Variants in CEP83 observed in about 807,000 individuals in gnomAD.
CEP83 encodes the protein centrosomal protein of 83 kDa.
A neutral mutation model predicts 101.9 loss-of-function variants in CEP83; 70 were observed. The observed-to-expected ratio is 0.69, with a 90% CI of 0.57 to 0.84. The LOEUF is 0.84. Among genes scored for constraint, CEP83 ranks in the 40% least tolerant of loss-of-function variants. CEP83 has a pLI of 0.00. For missense variants in CEP83, 715 were observed against 787.2 expected (o/e 0.91, Z 1.10); for synonymous variants, 264 against 267.9 (o/e 0.99, Z 0.14).
intron 1 of CEP83, among the ~76,000 whole-genome samples, chr12:94,454,077 C>G (rs2067455598): frequency 6.8e-6 from 1 of 146,226 alleles, no homozygotes; most frequent in African/African-American, 2.5e-5. Context: ...AGCCTGCTGA[C>G]AGAGTAAGAC....
chr12:94,450,982 A>G (rs936129763), intron 1 of CEP83, among the ~76,000 whole-genome samples: 1 of 152,230 alleles, frequency 6.6e-6, no homozygotes, highest in African/African-American at 2.4e-5. Context: ...TGTTGGAGTA[A>G]GGATAGGTTT....
At chr12:94,438,656 G>A (rs548832243) in intron 1 of CEP83, among the ~76,000 whole-genome samples, 1 of 152,184 alleles carries the variant, frequency 6.6e-6, no homozygotes, top group East Asian at 1.9e-4. Context: ...AGTCAACAAG[G>A]AAACAACAGA....
At chr12:94,438,101 C>T (rs986478762) in intron 1 of CEP83, among the ~76,000 whole-genome samples, 1 of 152,010 alleles carries the variant, frequency 6.6e-6, no homozygotes, top group South Asian at 2.1e-4. Flanking sequence ...TGCCTGTAAA[C>T]CCAGCTACTC....
intron 11 of CEP83, among the ~76,000 whole-genome samples, chr12:94,363,024 C>T (rs2060848266): frequency 6.6e-6 from 1 of 152,126 alleles, no homozygotes; most frequent in Non-Finnish European, 1.5e-5. Flanking sequence ...TTACTAGAGG[C>T]TGGAAGGGTA....
At chr12:94,303,112 TATTTA>T (rs1461001993), downstream of CEP83, among the ~76,000 whole-genome samples, 1 of 152,208 alleles carries the variant, frequency 6.6e-6, no homozygotes, top group African/African-American at 2.4e-5. Flanking sequence ...AATAAAATCA[TATTTA>T]ATTTTTAAAT....
Position 94,424,183 on chromosome 12 carries a change from G to A in CEP83, c.-102+11092C>T, listed in dbSNP as rs1315918171. On this transcript the variant is annotated intron_variant, in intron 2 of 16. Coordinates refer to ENST00000397809, the MANE Select transcript of CEP83 (RefSeq NM_016122.3). ...TGGGGGTGATGTTATAAGGGGCTGG[G>A]TAAAACCCATTCTGAAGAGCTGTGG... is the stretch of plus-strand genomic sequence containing the variant. 1.1e-5 allele frequency: 17 copies of A among 1,607,058 alleles called. No individual in the cohort carries two copies. The East Asian group carries it at 3.3e-4, about 32-fold the overall frequency.
At chr12:94,370,535 C>T (rs187281627) in intron 8 of CEP83, among the ~76,000 whole-genome samples, 1 of 152,248 alleles carries the variant, frequency 6.6e-6, no homozygotes, top group East Asian at 1.9e-4. Flanking sequence ...CACCACCACA[C>T]TCAGATAATT....
chr12:94,331,967 C>T, intron 13 of CEP83, 138 bp from the exon 14 acceptor site: 1 of 689,042 alleles, frequency 1.5e-6, no homozygotes, highest in Non-Finnish European at 2.4e-6. Context: ...CCTGTATGGC[C>T]ACTTGTTTGG....
At chr12:94,277,824 G>T in the CEP83 span, 1 of 406,890 alleles carries the variant, frequency 2.5e-6, no homozygotes, top group Non-Finnish European at 5.0e-6. Context: ...CCCGTGCTAA[G>T]CCCTTGAATG....
At chr12:94,349,323 C>T (rs1471966506) in intron 11 of CEP83, among the ~76,000 whole-genome samples, 2 of 151,486 alleles carry the variant, frequency 1.3e-5, no homozygotes, top group African/African-American at 4.8e-5. Flanking sequence ...TTGTAGAATC[C>T]CGAAGCATGG....
chr12:94,397,005 A>G, intron 6 of CEP83, among the ~76,000 whole-genome samples: 1 of 152,196 alleles, frequency 6.6e-6, no homozygotes. Flanking sequence ...CTGTTTTTGT[A>G]TATAGAAAAT....
intron 1 of CEP83, among the ~76,000 whole-genome samples, chr12:94,459,091 C>T (rs1400682465): frequency 1.3e-5 from 2 of 152,206 alleles, no homozygotes; most frequent in East Asian, 3.8e-4. Context: ...CTCATTTCAG[C>T]TAACTAAAGG....
intron 11 of CEP83, among the ~76,000 whole-genome samples, chr12:94,367,343 G>A (rs2061073144): frequency 1.3e-5 from 2 of 152,070 alleles, no homozygotes; most frequent in African/African-American, 4.8e-5. Context: ...GCCAAATCAT[G>A]GAAATTCACT....
At position 94,308,421 on chromosome 12, in the gene CEP83, CAGA is replaced by C. The variant is rs769514774; in HGVS notation, c.*389_*391del. On this transcript the variant is annotated 3_prime_UTR_variant, in exon 17 of 17. Transcript: ENST00000397809. ...ACTACAGTTTTTGTATATAGTAAACCAGAAGATGTGTATGGACCCTGTTATGGC... is the reference window on the plus strand; with the variant it reads ...ACTACAGTTTTTGTATATAGTAAACCAGATGTGTATGGACCCTGTTATGGC... The C allele has an allele frequency of 2.3e-4, 36 of 154,248 alleles. No individual in the cohort carries two copies. In the East Asian group the frequency reaches 6.8e-3, roughly 29 times the overall value. The allele number at this position is 154,248 out of a possible 1,614,324, so 9.6% of individuals were successfully genotyped here.
At chr12:94,404,771 T>A (rs770553745) in intron 4 of CEP83, among the ~76,000 whole-genome samples, 15 of 152,170 alleles carry the variant, frequency 9.9e-5, no homozygotes, top group Admixed American at 2.0e-4. Flanking sequence ...AAAAGTCTTC[T>A]CACTTCAGTA....
intron 6 of CEP83, among the ~76,000 whole-genome samples, chr12:94,386,117 C>T (rs963970197): frequency 6.6e-6 from 1 of 152,096 alleles, no homozygotes; most frequent in Admixed American, 6.5e-5. Context: ...TTAAGCTACA[C>T]GTTACTGTAC....
chr12:94,340,646 A>G (rs2059641672), intron 11 of CEP83, among the ~76,000 whole-genome samples: 1 of 152,178 alleles, frequency 6.6e-6, no homozygotes, highest in African/African-American at 2.4e-5. Context: ...CAAGTTGGCC[A>G]GGCTGGTCTC....
chr12:94,436,871 G>A (rs578021317), intron 1 of CEP83, among the ~76,000 whole-genome samples: 5 of 150,564 alleles, frequency 3.3e-5, no homozygotes, highest in African/African-American at 1.2e-4. Context: ...AAAGAAAAGA[G>A]AAGAAAAAAT....
At chr12:94,427,135 T>C (rs1158944297) in intron 2 of CEP83, among the ~76,000 whole-genome samples, 1 of 152,234 alleles carries the variant, frequency 6.6e-6, no homozygotes, top group Non-Finnish European at 1.5e-5. Context: ...CTACCATGGT[T>C]AGACTTCTTT....
Sources: allele counts gnomAD v4.1 joint callset (sites outside exome capture counted in the v4.1 genomes callset), GRCh38; gene constraint gnomAD v4.1.1; transcripts MANE v1.5; gene names NCBI Gene and HGNC (gene_info 2026-07-23, HGNC 2026-07-21).